Variants in SEMA3D observed in about 807,000 individuals in gnomAD.
SEMA3D encodes semaphorin 3D.
SEMA3D carries 84 observed loss-of-function variants against 100.1 expected under a neutral mutation model. That is an observed-to-expected ratio of 0.84 (90% CI 0.70 to 1.01). The LOEUF (loss-of-function observed/expected upper bound fraction) is 1.01. Ranked by LOEUF, SEMA3D falls within the 50% of genes least tolerant of loss-of-function variation. The probability of loss-of-function intolerance (pLI) is 0.00; values close to 1 mark genes in which losing one functional copy is unlikely to be tolerated. For missense variants in SEMA3D, 875 were observed against 934.1 expected, an observed-to-expected ratio of 0.94 and a Z score of 0.82; for synonymous variants, 312 against 320.7, an observed-to-expected ratio of 0.97 and a Z score of 0.29.
chr7:85,093,985 T>TA (rs1238241556), intron 4 of SEMA3D, among the ~76,000 whole-genome samples: 1 of 151,960 alleles, frequency 6.6e-6, no homozygotes, highest in Non-Finnish European at 1.5e-5. Context: ...GAAAAAAATA[T>TA]AATTCGATAA....
chr7:85,098,845 C>A (rs1298976163), intron 3 of SEMA3D, among the ~76,000 whole-genome samples: 2 of 151,802 alleles, frequency 1.3e-5, no homozygotes, highest in African/African-American at 4.8e-5. Flanking sequence ...TTCTCCCCCA[C>A]CCCTCCCCGT....
rs1046035413 is a variant in SEMA3D, at chr7:84,996,781, T to A, written c.*2659A>T. 1 of 152,012 alleles carries A rather than the reference T, an allele frequency of 6.6e-6. No individual in the cohort carries two copies. Among genetic ancestry groups the A allele is most frequent in the Non-Finnish European group, 1.5e-5 (1 of 67,888 alleles). 9.4% of individuals were successfully genotyped at this position (152,012 alleles called of 1,614,324 possible). On this transcript the variant is annotated 3_prime_UTR_variant, in exon 19 of 19. Transcript: ENST00000284136. ...TTAAGATCCCCTCCGCAGAGTCAAT[T>A]TCTTAGCATATTTGAAACCATTAAC...
chr7:85,190,305 C>T (rs1791668496), upstream of SEMA3D, among the ~76,000 whole-genome samples: 3 of 152,118 alleles, frequency 2.0e-5, no homozygotes, highest in Non-Finnish European at 4.4e-5. Flanking sequence ...TTCTCTAAAA[C>T]TAGTCATACC....
the SEMA3D span, among the ~76,000 whole-genome samples, chr7:85,204,188 C>T: frequency 2.0e-5 from 3 of 151,946 alleles, no homozygotes; most frequent in Non-Finnish European, 4.4e-5. Context: ...GACTCTTGCT[C>T]GACCAGAATA....
intron 3 of SEMA3D, among the ~76,000 whole-genome samples, chr7:85,117,460 C>T (rs972959930): frequency 6.6e-6 from 1 of 152,132 alleles, no homozygotes; most frequent in Non-Finnish European, 1.5e-5. Flanking sequence ...ACTGCCATAA[C>T]AAAACCTAAA....
intron 9 of SEMA3D, among the ~76,000 whole-genome samples, chr7:85,047,056 G>T (rs1361370801): frequency 2.0e-5 from 3 of 151,746 alleles, no homozygotes; most frequent in Non-Finnish European, 4.4e-5. Context: ...AAACAAGCCT[G>T]ATCACATGTG....
chr7:85,069,463 C>T (rs1000613133), intron 6 of SEMA3D, among the ~76,000 whole-genome samples: 2 of 152,032 alleles, frequency 1.3e-5, no homozygotes, highest in African/African-American at 4.8e-5. Context: ...AACAAGAAAG[C>T]AAGTTTCCTT....
At position 85,130,707 on chromosome 7, in the gene SEMA3D, T is replaced by C. The variant is rs371471235; in HGVS notation, c.-40-8776A>G. Reference sequence around the variant, plus strand: ...TAGCTTAAAACAAATATATAAGTTTTATAAATAAATTGATATCATAAGTTC... The same window carrying C: ...TAGCTTAAAACAAATATATAAGTTTCATAAATAAATTGATATCATAAGTTC... On this transcript the variant is annotated intron_variant, in intron 2 of 18. Coordinates refer to ENST00000284136, the MANE Select transcript of SEMA3D (RefSeq NM_001384900.1). Among the ~76,000 whole-genome samples, 40 of 152,300 alleles carry C rather than the reference T, an allele frequency of 2.6e-4. No homozygotes were observed. In the East Asian group the frequency reaches 2.9e-3, roughly 11 times the overall value.
chr7:85,052,828 T>A (rs1791204485), intron 9 of SEMA3D, among the ~76,000 whole-genome samples: 1 of 151,804 alleles, frequency 6.6e-6, no homozygotes, highest in African/African-American at 2.4e-5. Flanking sequence ...AATAATTAGA[T>A]AATAAAATAA....
chr7:85,150,365 A>ATATG (rs1790337775), intron 2 of SEMA3D, among the ~76,000 whole-genome samples: 2 of 142,394 alleles, frequency 1.4e-5, no homozygotes, highest in South Asian at 4.3e-4. Context: ...ATATATATAT[A>ATATG]TATTATATAT....
At chr7:85,055,435 G>T (rs1791280464) in intron 9 of SEMA3D, among the ~76,000 whole-genome samples, 1 of 151,820 alleles carries the variant, frequency 6.6e-6, no homozygotes, top group Non-Finnish European at 1.5e-5. Flanking sequence ...CAGGGCAACA[G>T]TTCAGGCACT....
intron 2 of SEMA3D, among the ~76,000 whole-genome samples, chr7:85,135,727 C>G (rs1362144724): frequency 6.8e-6 from 1 of 148,122 alleles, no homozygotes; most frequent in Non-Finnish European, 1.5e-5. Context: ...AGAAAAAAAT[C>G]AATTTGCAAA....
At chr7:85,221,241 A>G in the SEMA3D span, among the ~76,000 whole-genome samples, 3,110 of 152,208 alleles carry the variant, frequency 0.02, 104 homozygotes, top group African/African-American at 0.072. Flanking sequence ...GTAAAAAGCA[A>G]CTCAGTAAAG....
At chr7:85,162,663 A>G (rs1037832273) in intron 1 of SEMA3D, among the ~76,000 whole-genome samples, 3 of 152,142 alleles carry the variant, frequency 2.0e-5, no homozygotes, top group African/African-American at 7.2e-5. Flanking sequence ...GAAGAACAAT[A>G]TGGGAAACGT....
chr7:85,113,327 ATG>A (rs1425350571), intron 3 of SEMA3D, among the ~76,000 whole-genome samples: 1 of 152,176 alleles, frequency 6.6e-6, no homozygotes, highest in Non-Finnish European at 1.5e-5. Context: ...AATTCGCCAC[ATG>A]AACTGAAGGG....
chr7:85,160,526 G>T (rs1481649473), intron 1 of SEMA3D, among the ~76,000 whole-genome samples: 1 of 152,126 alleles, frequency 6.6e-6, no homozygotes, highest in Non-Finnish European at 1.5e-5. Flanking sequence ...GGGCGATGCG[G>T]TTTGCCTGAC....
chr7:85,221,043 C>CTT, the SEMA3D span, among the ~76,000 whole-genome samples: 1 of 151,988 alleles, frequency 6.6e-6, no homozygotes, highest in Non-Finnish European at 1.5e-5. Flanking sequence ...GGCCTCAGAT[C>CTT]TTTTCAAGCA....
At chr7:85,014,985 TA>T in intron 16 of SEMA3D, 73 bp downstream of exon 16, 1 of 1,138,714 alleles carries the variant, frequency 8.8e-7, no homozygotes. Flanking sequence ...ACTTAAACTA[TA>T]AGACAAAGCA....
At chr7:85,165,751 C>A (rs1790887174) in intron 1 of SEMA3D, among the ~76,000 whole-genome samples, 1 of 152,032 alleles carries the variant, frequency 6.6e-6, no homozygotes, top group South Asian at 2.1e-4. Flanking sequence ...ATCAGTTATT[C>A]CTGACAATTA....
Sources: allele counts gnomAD v4.1 joint callset (sites outside exome capture counted in the v4.1 genomes callset), GRCh38; gene constraint gnomAD v4.1.1; transcripts MANE v1.5; gene names NCBI Gene and HGNC (gene_info 2026-07-23, HGNC 2026-07-21).